The following KCNH1 variants were observed in gnomAD, a reference collection of about 807,000 sequenced individuals.
The protein encoded by KCNH1 is voltage-gated delayed rectifier potassium channel KCNH1.
KCNH1 carries 27 observed loss-of-function variants against 69.2 expected under a neutral mutation model. That is an observed-to-expected ratio of 0.39 (90% CI 0.29 to 0.54). KCNH1 has a LOEUF of 0.54. Among genes scored for constraint, KCNH1 ranks in the 20% least tolerant of loss-of-function variants. The probability of loss-of-function intolerance (pLI) is 0.68; values close to 1 mark genes in which losing one functional copy is unlikely to be tolerated. For missense variants in KCNH1, 798 were observed against 1,261.6 expected, an observed-to-expected ratio of 0.63 and a Z score of 5.57; for synonymous variants, 456 against 487.7, an observed-to-expected ratio of 0.93 and a Z score of 0.86.
At chr1:210,983,531 C>G (rs1688759180) in intron 6 of KCNH1, among the ~76,000 whole-genome samples, 2 of 152,184 alleles carry the variant, frequency 1.3e-5, no homozygotes, top group African/African-American at 4.8e-5. Flanking sequence ...ATAGGGAATC[C>G]TTTCCCCATT....
At chr1:211,070,428 A>ACACACACACAC (rs1289542011) in intron 5 of KCNH1, among the ~76,000 whole-genome samples, 2 of 114,264 alleles carry the variant, frequency 1.8e-5, no homozygotes, top group African/African-American at 6.2e-5. Context: ...TAAAAAAAAA[A>ACACACACACAC]AAACACACAC....
chr1:211,009,770 G>A (rs984244499), intron 6 of KCNH1, among the ~76,000 whole-genome samples: 7 of 151,854 alleles, frequency 4.6e-5, no homozygotes, highest in African/African-American at 1.7e-4. Context: ...CACCATGCCC[G>A]GTTAATTTTT....
At chr1:210,830,672 A>C (rs1685139422) in intron 7 of KCNH1, among the ~76,000 whole-genome samples, 1 of 152,226 alleles carries the variant, frequency 6.6e-6, no homozygotes, top group African/African-American at 2.4e-5. Context: ...TATGGAGGGT[A>C]TGAAAAATGA....
chr1:210,891,833 A>G (rs537680082), intron 7 of KCNH1, among the ~76,000 whole-genome samples: 1 of 152,336 alleles, frequency 6.6e-6, no homozygotes, highest in Non-Finnish European at 1.5e-5. Flanking sequence ...TCAGTGATAG[A>G]CTGGATAAAG....
At chr1:210,743,882 C>A (rs772964564) in intron 10 of KCNH1, among the ~76,000 whole-genome samples, 1 of 152,222 alleles carries the variant, frequency 6.6e-6, no homozygotes, top group Non-Finnish European at 1.5e-5. Flanking sequence ...GGACTGGGAG[C>A]TTCCCCTTCT....
intron 7 of KCNH1, among the ~76,000 whole-genome samples, chr1:210,886,647 T>C (rs532916523): frequency 6.6e-6 from 1 of 151,910 alleles, no homozygotes; most frequent in South Asian, 2.1e-4. Context: ...CTAAGAACCT[T>C]GAAAAAAAGT....
chr1:211,118,850 G>A (rs1232282253), intron 1 of KCNH1, among the ~76,000 whole-genome samples: 1 of 152,224 alleles, frequency 6.6e-6, no homozygotes, highest in East Asian at 1.9e-4. Context: ...TTAGAAAAGT[G>A]ACTCAGTTTG....
chr1:210,755,452 G>A (rs1463665208), intron 10 of KCNH1, among the ~76,000 whole-genome samples: 1 of 152,204 alleles, frequency 6.6e-6, no homozygotes, highest in African/African-American at 2.4e-5. Flanking sequence ...CTCTCCAACT[G>A]TCTCAACATG....
intron 7 of KCNH1, among the ~76,000 whole-genome samples, chr1:210,877,137 T>G (rs114812552): frequency 1.3e-5 from 2 of 152,068 alleles, no homozygotes; most frequent in African/African-American, 4.8e-5. Flanking sequence ...ACAATTTGTT[T>G]GCAAAAAATG....
intron 10 of KCNH1, among the ~76,000 whole-genome samples, chr1:210,750,448 G>C (rs892841220): frequency 3.9e-5 from 6 of 152,140 alleles, no homozygotes; most frequent in Non-Finnish European, 5.9e-5. Context: ...AGTAGGTCCT[G>C]ATGAGTTTAT....
chr1:210,707,557 G>T (rs1445575093), intron 10 of KCNH1, among the ~76,000 whole-genome samples: 2 of 152,162 alleles, frequency 1.3e-5, no homozygotes, highest in Non-Finnish European at 2.9e-5. Context: ...CGTGCTCTTG[G>T]CAGGCAGAGC....
intron 7 of KCNH1, among the ~76,000 whole-genome samples, chr1:210,805,213 G>A (rs760503548): frequency 2.6e-5 from 4 of 152,100 alleles, no homozygotes; most frequent in South Asian, 2.1e-4. Flanking sequence ...TTTCCTTGCC[G>A]TTGTATCCCT....
At chr1:210,996,100 T>A (rs1024594417) in intron 6 of KCNH1, among the ~76,000 whole-genome samples, 1 of 152,150 alleles carries the variant, frequency 6.6e-6, no homozygotes, top group Non-Finnish European at 1.5e-5. Flanking sequence ...TCTGAGGTAC[T>A]GTGTTCATCT....
intron 7 of KCNH1, among the ~76,000 whole-genome samples, chr1:210,806,834 AAAATATATAT>A (rs1684585357): frequency 1.5e-5 from 1 of 67,800 alleles, no homozygotes; most frequent in African/African-American, 5.5e-5. Context: ...AAAAAAAAAA[AAAATATATAT>A]ATATATATAT....
chr1:210,784,861 T>C (rs1684064003), intron 9 of KCNH1, among the ~76,000 whole-genome samples: 2 of 152,036 alleles, frequency 1.3e-5, no homozygotes, highest in African/African-American at 4.8e-5. Context: ...CCAGGTTCCA[T>C]GGGAAGTGCA....
At chr1:211,093,649 G>A (rs892956713) in intron 3 of KCNH1, among the ~76,000 whole-genome samples, 2 of 152,164 alleles carry the variant, frequency 1.3e-5, no homozygotes, top group Non-Finnish European at 2.9e-5. Flanking sequence ...TATATATCTT[G>A]TAACAAAAAT....
chr1:210,706,213 C>T (rs1681909611), intron 10 of KCNH1, among the ~76,000 whole-genome samples: 1 of 152,150 alleles, frequency 6.6e-6, no homozygotes, highest in African/African-American at 2.4e-5. Flanking sequence ...CTTCCAGATT[C>T]ACTCAGGCTT....
chr1:211,115,433 C>CT (rs1221637098), intron 1 of KCNH1, among the ~76,000 whole-genome samples: 1 of 152,020 alleles, frequency 6.6e-6, no homozygotes, highest in East Asian at 1.9e-4. Flanking sequence ...AGTCAGTGGG[C>CT]TGGGGAAGGC....
rs7551437 is a variant in KCNH1 at position 210,829,899 on chromosome 1, T to G, written c.1463-25733A>C. On this transcript the variant is annotated intron_variant, in intron 7 of 10. Coordinates refer to ENST00000271751, the MANE Select transcript of KCNH1 (RefSeq NM_172362.3). Reference sequence around the variant, plus strand: ...TTAATCAGTCACATAGCCCTTAGAATGTGGGAAGAATTGTTCTAAGCACTT... The same window carrying G: ...TTAATCAGTCACATAGCCCTTAGAAGGTGGGAAGAATTGTTCTAAGCACTT... Among the ~76,000 whole-genome samples the G allele has an allele frequency of 7.3e-3, 1,111 of 152,290 alleles. 9 individuals carry two copies. Among genetic ancestry groups the G allele is most frequent in the African/African-American group, 0.026 (1,067 of 41,554 alleles).
Sources: allele counts gnomAD v4.1 joint callset (sites outside exome capture counted in the v4.1 genomes callset), GRCh38; gene constraint gnomAD v4.1.1; transcripts MANE v1.5; gene names NCBI Gene and HGNC (gene_info 2026-07-23, HGNC 2026-07-21).